Variants in P2RY8 observed in about 807,000 individuals in gnomAD.
P2RY8 encodes the protein S-geranylgeranyl-glutathione receptor P2RY8.
A neutral mutation model predicts 10.0 loss-of-function variants in P2RY8; 6 were observed. That is an observed-to-expected ratio of 0.60 (90% CI 0.33 to 1.19). The LOEUF (loss-of-function observed/expected upper bound fraction) is 1.19. Among genes scored for constraint, P2RY8 ranks in the 50% most tolerant of loss-of-function variants. The pLI, the probability that P2RY8 is intolerant of heterozygous loss-of-function variation, is 0.04. For synonymous variants in P2RY8, 276 were observed against 252.5 expected (o/e 1.09, Z -0.88); for missense variants, 456 against 542.0 (o/e 0.84, Z 1.58).
intron 1 of P2RY8, among the ~76,000 whole-genome samples, chrX:1,485,939 C>T (rs1417708406): frequency 6.6e-6 from 1 of 152,034 alleles, no homozygotes; most frequent in Non-Finnish European, 1.5e-5. Flanking sequence ...TAAAAAGGGG[C>T]TAGGTGTGGT....
chrX:1,484,015 TCAAAGCTGGGCTCCCTTAGACC>T (rs1478151211), intron 1 of P2RY8, among the ~76,000 whole-genome samples: 5 of 119,346 alleles, frequency 4.2e-5, no homozygotes, highest in Non-Finnish European at 8.9e-5. Context: ...TCCCCTCAAC[TCAAAGCTGGGCTCCCTTAGACC>T]CAAAGCTGGA....
In P2RY8 at chrX:1,465,891, G is replaced by A. The variant is rs1208023789; in HGVS notation, c.668C>T (p.Thr223Met). 1 of 1,612,466 alleles carries A rather than the reference G, an allele frequency of 6.2e-7. No individual in the cohort carries two copies. The highest frequency in any genetic ancestry group is 1.7e-5 in the Admixed American group (1 of 59,980). The stretch of plus-strand genomic sequence containing the variant: ...CTGCTCCCGGCCGTGCGCCTCCTCC[G>A]TGCGCAACAGCTTGAGGATGGTGGC... ...YTATILKLLR[T>M]EEAHGREQRR... The change falls in exon 2 of 2, where the codon ACG becomes ATG. Residue 223 changes from threonine to methionine, a missense_variant. Coordinates refer to ENST00000381297, the MANE Select transcript of P2RY8 (RefSeq NM_178129.5).
intron 1 of P2RY8, among the ~76,000 whole-genome samples, chrX:1,481,051 AG>A (rs1446617998): frequency 6.6e-6 from 1 of 152,024 alleles, no homozygotes; most frequent in Non-Finnish European, 1.5e-5. Context: ...GACAGGTCTC[AG>A]GGTGACTAAG....
intron 1 of P2RY8, among the ~76,000 whole-genome samples, chrX:1,525,296 G>C (rs1289315108): frequency 6.6e-6 from 1 of 152,228 alleles, no homozygotes; most frequent in African/African-American, 2.4e-5. Flanking sequence ...GATCTTTGCA[G>C]ATGGGATTAA....
intron 1 of P2RY8, among the ~76,000 whole-genome samples, chrX:1,532,462 CACATATATGTATAGATGTATATGTGTA>C (rs2149417187): frequency 1.4e-4 from 1 of 6,900 alleles, no homozygotes; most frequent in African/African-American, 2.9e-4. Flanking sequence ...TGTATATATA[CACATATATGTATAGATGTATATGTGTA>C]TATATACACA....
intron 1 of P2RY8, among the ~76,000 whole-genome samples, chrX:1,479,904 C>T (rs1317293931): frequency 6.6e-6 from 1 of 152,066 alleles, no homozygotes; most frequent in Non-Finnish European, 1.5e-5. Flanking sequence ...ATGAAAAGAA[C>T]AAAAGGATAA....
chrX:1,499,993 G>A, intron 1 of P2RY8, among the ~76,000 whole-genome samples: 1 of 121,048 alleles, frequency 8.3e-6, no homozygotes, highest in Non-Finnish European at 1.9e-5. Flanking sequence ...CGAGTAGCTG[G>A]GACTACAGGC....
chrX:1,464,150 G>C lies in P2RY8; in HGVS notation c.*1329C>G, dbSNP rs1366012419. 4.3e-6 allele frequency: 1 copy of C among 233,254 alleles called. No homozygotes were observed. Among genetic ancestry groups the C allele is most frequent in the African/African-American group, 2.2e-5 (1 of 45,362 alleles). 14.4% of individuals were successfully genotyped at this position (233,254 alleles called of 1,614,324 possible). Reference sequence around the variant, plus strand: ...CCCACTGCGGAGACGCAGAGCCCGTGGGCAGACAGGCAGCTCTCCCACTCC... The same window carrying C: ...CCCACTGCGGAGACGCAGAGCCCGTCGGCAGACAGGCAGCTCTCCCACTCC... On this transcript the variant is annotated 3_prime_UTR_variant, in exon 2 of 2. Coordinates refer to ENST00000381297, the MANE Select transcript of P2RY8 (RefSeq NM_178129.5).
In P2RY8 at chrX:1,524,741, G is replaced by GCATC. The variant is rs752476090; in HGVS notation, c.-25+12176_-25+12179dup. ...TTCATCCATCCATCCATACATCCAT[G>GCATC]CATCCATCCATCCATCCATCCATCC... On this transcript the variant is annotated intron_variant, in intron 1 of 1. Transcript: ENST00000381297. Among the ~76,000 whole-genome samples the GCATC allele has an allele frequency of 3.8e-3, 232 of 61,230 alleles. 7 individuals are homozygous for GCATC. Among genetic ancestry groups the GCATC allele is most frequent in the African/African-American group, 9.4e-3 (143 of 15,152 alleles). The allele number at this position is 61,230 out of a possible 152,430, so 40.2% of individuals were successfully genotyped here. A position where few individuals can be genotyped will look rare whatever the true frequency, so the allele number is the denominator to read the frequency against.
chrX:1,487,162 C>A (rs1251852186), intron 1 of P2RY8, among the ~76,000 whole-genome samples: 1 of 152,178 alleles, frequency 6.6e-6, no homozygotes, highest in African/African-American at 2.4e-5. Context: ...GAACCAGTGA[C>A]CTCACGGTGT....
At chrX:1,485,517 A>G (rs2091978531) in intron 1 of P2RY8, among the ~76,000 whole-genome samples, 1 of 151,652 alleles carries the variant, frequency 6.6e-6, no homozygotes, top group Non-Finnish European at 1.5e-5. Context: ...CATTTTATTT[A>G]CTTTTGTTTC....
At chrX:1,500,482 T>G (rs2092166994) in intron 1 of P2RY8, among the ~76,000 whole-genome samples, 1 of 151,946 alleles carries the variant, frequency 6.6e-6, no homozygotes, top group Admixed American at 6.6e-5. Flanking sequence ...TCTCACTCTG[T>G]CATCTAGGCT....
At chrX:1,515,985 C>A (rs1316476860) in intron 1 of P2RY8, among the ~76,000 whole-genome samples, 1 of 136,084 alleles carries the variant, frequency 7.3e-6, no homozygotes, top group Non-Finnish European at 1.6e-5. Flanking sequence ...GAGTTCGAGA[C>A]CAGCCTGGCC....
intron 1 of P2RY8, among the ~76,000 whole-genome samples, chrX:1,512,546 C>CA (rs573449530): frequency 0.45 from 44,078 of 96,924 alleles, 11,573 homozygotes; most frequent in East Asian, 0.8. Flanking sequence ...GACTCCGTCT[C>CA]AAAAAAAAAA....
In P2RY8 at chrX:1,524,326, C is replaced by T. The variant is rs1310213107; in HGVS notation, c.-25+12595G>A. Among the ~76,000 whole-genome samples the T allele has an allele frequency of 2.0e-5, 3 of 151,336 alleles. No homozygotes were observed. In the Admixed American group the frequency reaches 2.0e-4, roughly 10 times the overall value. Reference sequence around the variant, plus strand: ...CTCATTCATCCGCTCATTCATTCCTCATCCATCCATGCATCCATCCATTCA... The same window carrying T: ...CTCATTCATCCGCTCATTCATTCCTTATCCATCCATGCATCCATCCATTCA... On this transcript the variant is annotated intron_variant, in intron 1 of 1. Transcript: ENST00000381297.
chrX:1,504,539 T>C (rs1444043299), intron 1 of P2RY8, among the ~76,000 whole-genome samples: 47 of 152,128 alleles, frequency 3.1e-4, no homozygotes, highest in African/African-American at 9.2e-4. Context: ...CTTCCCTCTG[T>C]TGAAATGTTC....
chrX:1,484,501 C>T (rs76444977), intron 1 of P2RY8, among the ~76,000 whole-genome samples: 6 of 150,254 alleles, frequency 4.0e-5, no homozygotes, highest in Non-Finnish European at 7.4e-5. Flanking sequence ...CTGAGGCGGG[C>T]GGATCATGAG....
At chrX:1,482,370 C>A (rs1254012288) in intron 1 of P2RY8, among the ~76,000 whole-genome samples, 8 of 151,534 alleles carry the variant, frequency 5.3e-5, no homozygotes, top group Non-Finnish European at 1.2e-4. Flanking sequence ...GGAAATAGCA[C>A]GTATGCTGAA....
intron 1 of P2RY8, among the ~76,000 whole-genome samples, chrX:1,493,162 C>A: frequency 6.7e-6 from 1 of 150,180 alleles, no homozygotes; most frequent in East Asian, 2.0e-4. Flanking sequence ...GGGGTGGGCG[C>A]CTGTAATCCC....
Sources: gnomAD v4.1 joint callset for allele counts (sites outside exome capture counted in the v4.1 genomes callset) on GRCh38, gnomAD v4.1.1 for gene constraint, MANE v1.5 for transcripts, NCBI Gene and HGNC (gene_info 2026-07-23, HGNC 2026-07-21) for gene names.